Variants in SIRPA observed in about 807,000 individuals in gnomAD.
SIRPA encodes the protein tyrosine-protein phosphatase non-receptor type substrate 1.
SIRPA carries 9 observed loss-of-function variants against 50.3 expected under a neutral mutation model. The ratio of observed to expected loss-of-function variants is 0.18; its 90% CI spans 0.11 to 0.31. The LOEUF is 0.31. Among genes scored for constraint, SIRPA ranks in the 10% least tolerant of loss-of-function variants. SIRPA has a pLI of 1.00. For missense variants in SIRPA, 474 were observed against 661.6 expected, an observed-to-expected ratio of 0.72 and a Z score of 3.11; for synonymous variants, 265 against 284.1, an observed-to-expected ratio of 0.93 and a Z score of 0.68.
In SIRPA at chr20:1,924,767, A is replaced by G. The variant is rs1018011271; in HGVS notation, c.1091A>G (p.Asn364Ser). Reference sequence around the variant, plus strand: ...CTCTATTCCATGTGGTCCCTAGAGAACACTGGATCTAATGAACGGAACATC... The same window carrying G: ...CTCTATTCCATGTGGTCCCTAGAGAGCACTGGATCTAATGAACGGAACATC... ...KEQGSNTAAE[N>S]TGSNERNIYI... The change falls in exon 5 of 8, where the codon AAC (asparagine) becomes AGC (serine). Residue 364 changes from asparagine (N) to serine (S), a missense_variant. By Grantham distance (46) the Asn-to-Ser change is conservative. This residue lies in a region of SIRPA where 180 missense variants were observed against 206.7 expected (regional missense o/e 0.87). Transcript: ENST00000358771. The surrounding 1 kb of genome is among the most constrained non-coding windows in gnomAD (Gnocchi z 4.5). The G allele has an allele frequency of 1.2e-6, 2 of 1,613,462 alleles. No individual in the cohort carries two copies. Among genetic ancestry groups the G allele is most frequent in the Non-Finnish European group, 1.7e-6 (2 of 1,179,684 alleles).
At chr20:1,931,620 C>T (rs988750890) in intron 6 of SIRPA, among the ~76,000 whole-genome samples, 19 of 152,302 alleles carry the variant, frequency 1.2e-4, no homozygotes, top group Admixed American at 1.1e-3. Context: ...CTTTGGCTTG[C>T]TGGGATCAGA....
In SIRPA at chr20:1,937,416, A is replaced by G. The variant is rs753660710; in HGVS notation, c.1363A>G (p.Ser455Gly). The G allele has an allele frequency of 6.2e-7, 1 of 1,614,010 alleles. No homozygotes were observed. The highest frequency in any genetic ancestry group is 1.3e-5 in the African/African-American group (1 of 74,892). Residue 455 changes from serine to glycine, a missense_variant, in exon 8 of 8, where the codon AGC becomes GGC. Ser to Gly is a moderately conservative substitution (Grantham distance 56, BLOSUM62 0). Coordinates refer to ENST00000358771, the MANE Select transcript of SIRPA (RefSeq NM_001040023.2). The surrounding 1 kb of genome is among the most constrained non-coding windows in gnomAD (Gnocchi z 8.3). ...AEPNNHTEYA[S>G]IQTSPQPASE... ...GCCCAACAACCACACGGAGTATGCC[A>G]GCATTCAGACCAGCCCGCAGCCCGC...
intron 6 of SIRPA, among the ~76,000 whole-genome samples, chr20:1,929,183 A>G (rs1338557640): frequency 6.6e-6 from 1 of 152,084 alleles, no homozygotes; most frequent in Non-Finnish European, 1.5e-5. Flanking sequence ...TGAGGAACCA[A>G]AAGATGGACA....
At position 1,915,463 on chromosome 20, in the gene SIRPA, C is replaced by T; in HGVS notation, c.436+8C>T. ...CTGAGCTGTCTGTGCGCGGTGAGTA[C>T]AGCGTGGGCCTCCTTTGCCTCTGGT... On this transcript the variant is annotated splice_region_variant and intron_variant, in intron 2 of 7. Coordinates refer to ENST00000358771, the MANE Select transcript of SIRPA (RefSeq NM_001040023.2). 1 of 1,612,634 alleles carries T rather than the reference C, an allele frequency of 6.2e-7. No homozygotes were observed. The highest frequency in any genetic ancestry group is 8.5e-7 in the Non-Finnish European group (1 of 1,178,854).
intron 6 of SIRPA, among the ~76,000 whole-genome samples, chr20:1,931,701 A>C (rs1208879622): frequency 1.3e-5 from 2 of 152,118 alleles, no homozygotes; most frequent in Non-Finnish European, 2.9e-5. Flanking sequence ...GGAGGCTGCC[A>C]CTTTGAGCTC....
chr20:1,911,725 C>T (rs1038214794), intron 1 of SIRPA, among the ~76,000 whole-genome samples: 20 of 152,230 alleles, frequency 1.3e-4, no homozygotes, highest in African/African-American at 3.6e-4. Flanking sequence ...AAAGATGTTC[C>T]AATTTCCCCT....
intron 1 of SIRPA, among the ~76,000 whole-genome samples, chr20:1,914,526 G>A (rs995529913): frequency 1.3e-5 from 2 of 151,408 alleles, no homozygotes; most frequent in Non-Finnish European, 2.9e-5. Flanking sequence ...GGTTCCAGGT[G>A]GGGACTCAAA....
chr20:1,913,322 G>A (rs1212080948), intron 1 of SIRPA, among the ~76,000 whole-genome samples: 1 of 152,214 alleles, frequency 6.6e-6, no homozygotes, highest in African/African-American at 2.4e-5. Context: ...AGGACAATGG[G>A]CAGATAGCCC....
At position 1,937,980 on chromosome 20, in the gene SIRPA, T is replaced by TCCACCACCACCACCACCACCA; in HGVS notation, c.*423_*443dup. 6.6e-6 allele frequency: 1 copy of TCCACCACCACCACCACCACCA among 152,552 alleles called. No individual in the cohort carries two copies. The highest frequency in any genetic ancestry group is 1.3e-5 in the Non-Finnish European group (1 of 76,668). The allele number at this position is 152,552 out of a possible 1,614,324, so 9.4% of individuals were successfully genotyped here. On this transcript the variant is annotated 3_prime_UTR_variant, in exon 8 of 8. Coordinates refer to ENST00000358771, the MANE Select transcript of SIRPA (RefSeq NM_001040023.2). The surrounding 1 kb of genome is among the most constrained non-coding windows in gnomAD (Gnocchi z 8.3). ...CCCACCTCCCCTGACCTCCACCACC[T>TCCACCACCACCACCACCACCA]CCACCACCACCACCACCACCACCAC...
At position 1,924,825 on chromosome 20, in the gene SIRPA, G is replaced by A; in HGVS notation, c.1149G>A (p.Leu383=). ...TGGTGGGTGTGGTGTGCACCTTGCTGGTGGCCCTACTGATGGCGGCCCTCT... is the reference window on the plus strand; with the variant it reads ...TGGTGGGTGTGGTGTGCACCTTGCTAGTGGCCCTACTGATGGCGGCCCTCT... ...YIVVGVVCTL[L]VALLMAALYL... is the part of the protein sequence containing the mutation. Residue 383 remains leucine (L), a synonymous_variant, in exon 5 of 8, where the codon CTG becomes CTA. Transcript: ENST00000358771. The surrounding 1 kb of genome is among the most constrained non-coding windows in gnomAD (Gnocchi z 4.5). 1 of 1,614,174 alleles carries A rather than the reference G, an allele frequency of 6.2e-7. No homozygotes were observed. Among genetic ancestry groups the A allele is most frequent in the African/African-American group, 1.3e-5 (1 of 75,042 alleles).
In SIRPA at chr20:1,938,706, C is replaced by T. The variant is rs1232155431; in HGVS notation, c.*1138C>T. ...GGCTGGTAGTGCAGCCTTCTGTGAC[C>T]CCGCTGTGGTAAGTCCAGCCTGCCC... On this transcript the variant is annotated 3_prime_UTR_variant, in exon 8 of 8. Transcript: ENST00000358771. 1 of 152,560 alleles carries T rather than the reference C, an allele frequency of 6.6e-6. No individual in the cohort carries two copies. Among genetic ancestry groups the T allele is most frequent in the Non-Finnish European group, 1.5e-5 (1 of 68,120 alleles). The allele number at this position is 152,560 out of a possible 1,614,324, so 9.5% of individuals were successfully genotyped here. A position where few individuals can be genotyped will look rare whatever the true frequency, so the allele number is the denominator to read the frequency against.
chr20:1,901,056 T>C (rs1984163957), intron 1 of SIRPA, among the ~76,000 whole-genome samples: 1 of 152,150 alleles, frequency 6.6e-6, no homozygotes, highest in South Asian at 2.1e-4. Flanking sequence ...TAGCCGTCAC[T>C]GAGGCTTGCT....
At chr20:1,916,422 G>C (rs1985300605) in intron 2 of SIRPA, among the ~76,000 whole-genome samples, 1 of 152,172 alleles carries the variant, frequency 6.6e-6, no homozygotes, top group South Asian at 2.1e-4. Flanking sequence ...TCTGATTCCA[G>C]GGAGGCTCCT....
At chr20:1,912,764 G>A (rs1034693150) in intron 1 of SIRPA, among the ~76,000 whole-genome samples, 1 of 152,232 alleles carries the variant, frequency 6.6e-6, no homozygotes, top group African/African-American at 2.4e-5. Context: ...GGGTACAGAG[G>A]TGGCTAAGAG....
chr20:1,912,922 C>T (rs954541196), intron 1 of SIRPA, among the ~76,000 whole-genome samples: 1 of 152,252 alleles, frequency 6.6e-6, no homozygotes, highest in African/African-American at 2.4e-5. Flanking sequence ...TCTGATGTCC[C>T]CGCCTGGATG....
At chr20:1,909,059 A>G (rs1204590694) in intron 1 of SIRPA, among the ~76,000 whole-genome samples, 1 of 152,226 alleles carries the variant, frequency 6.6e-6, no homozygotes, top group Non-Finnish European at 1.5e-5. Context: ...TGCGGGGTGG[A>G]AAATCGCAGC....
intron 1 of SIRPA, among the ~76,000 whole-genome samples, chr20:1,911,858 C>A (rs1222505825): frequency 2.0e-5 from 3 of 150,940 alleles, no homozygotes; most frequent in Non-Finnish European, 2.9e-5. Context: ...ATTTGGCCAG[C>A]AAGTGACCCC....
Position 1,895,495 on chromosome 20 carries a change from C to CCTGCTG in SIRPA, c.51_56dup (p.Leu18_Leu19dup). 7 of 1,460,720 alleles carry CCTGCTG rather than the reference C, an allele frequency of 4.8e-6. No homozygotes were observed. Among genetic ancestry groups the CCTGCTG allele is most frequent in the Non-Finnish European group, 6.3e-6 (7 of 1,109,870 alleles). 90.5% of individuals were successfully genotyped at this position (1,460,720 alleles called of 1,614,324 possible). A position where few individuals can be genotyped will look rare whatever the true frequency, so the allele number is the denominator to read the frequency against. On this transcript the variant is annotated inframe_insertion, in exon 1 of 8. Transcript: ENST00000358771. ...CCGGCCGCCTCGGGCCGCTGCTCTGCCTGCTGCTCGCCGCGTCCTGCGCCT... is the reference window on the plus strand; with the variant it reads ...CCGGCCGCCTCGGGCCGCTGCTCTGCCTGCTGCTGCTGCTCGCCGCGTCCTGCGCCT...
At chr20:1,929,434 G>C (rs1430464055) in intron 6 of SIRPA, among the ~76,000 whole-genome samples, 2 of 152,164 alleles carry the variant, frequency 1.3e-5, no homozygotes, top group Non-Finnish European at 2.9e-5. Context: ...GTTGGGGGCA[G>C]TGGAGTGCTG....
Sources: allele counts gnomAD v4.1 joint callset (sites outside exome capture counted in the v4.1 genomes callset), GRCh38; gene constraint gnomAD v4.1.1; regional missense constraint gnomAD v4.1.1; non-coding constraint Gnocchi (gnomAD v3.1); transcripts MANE v1.5; gene names NCBI Gene and HGNC (gene_info 2026-07-23, HGNC 2026-07-21).